The following CFAP47 variants were observed in gnomAD, a reference collection of about 807,000 sequenced individuals.
CFAP47 encodes the protein cilia- and flagella-associated protein 47.
Under a neutral mutation model 148.1 loss-of-function variants are expected in CFAP47, and 29 were observed. The ratio of observed to expected loss-of-function variants is 0.20; its 90% CI spans 0.15 to 0.27. The LOEUF is 0.27. CFAP47 is among the 10% of genes least tolerant of loss of function. The probability of loss-of-function intolerance (pLI) is 1.00; values close to 1 mark genes in which losing one functional copy is unlikely to be tolerated. For synonymous variants in CFAP47, 664 were observed against 577.3 expected (o/e 1.15, Z -2.15); for missense variants, 1,872 against 1,697.5 (o/e 1.10, Z -1.81).
intron 49 of CFAP47, among the ~76,000 whole-genome samples, chrX:36,277,882 G>C (rs1184151111): frequency 8.9e-6 from 1 of 112,205 alleles, no homozygotes; most frequent in Non-Finnish European, 1.9e-5. Context: ...CTGTTTGCCT[G>C]AGTATCACCA....
intron 27 of CFAP47, among the ~76,000 whole-genome samples, chrX:36,067,960 A>G (rs148310904): frequency 0.031 from 3,465 of 111,813 alleles, 128 homozygotes; most frequent in African/African-American, 0.11. Flanking sequence ...CGCCACGGTG[A>G]TATTTACAGA....
chrX:36,112,337 T>A lies in CFAP47; in HGVS notation c.5320+7646T>A, dbSNP rs138502811. ...CATTAGTTTCAAAGGACTTCTTGAT[T>A]TCTGCCTTAATTTCATTATTCACCC... is the stretch of plus-strand genomic sequence containing the variant. On this transcript the variant is annotated intron_variant, in intron 33 of 63. Coordinates refer to ENST00000378653, the MANE Select transcript of CFAP47 (RefSeq NM_001304548.2). Among the ~76,000 whole-genome samples, 425 of 112,018 alleles carry A rather than the reference T, an allele frequency of 3.8e-3. 2 individuals carry two copies. Among genetic ancestry groups the A allele is most frequent in the African/African-American group, 0.013 (394 of 30,904 alleles).
At chrX:36,319,029 A>G (rs1556011563) in intron 56 of CFAP47, among the ~76,000 whole-genome samples, 180 bp from the exon 57 acceptor site, 1 of 111,850 alleles carries the variant, frequency 8.9e-6, no homozygotes, top group East Asian at 2.8e-4. Context: ...AAAACCATTT[A>G]TATTATTAAA....
intron 39 of CFAP47, 81 bp downstream of exon 39, chrX:36,160,850 CT>C (rs147566241): frequency 0.18 from 26,758 of 147,296 alleles, 856 homozygotes; most frequent in African/African-American, 0.27. Context: ...TTCTTTCTTT[CT>C]TTTTTTTTTT....
intron 49 of CFAP47, among the ~76,000 whole-genome samples, chrX:36,275,674 C>G (rs1941008688): frequency 9.0e-6 from 1 of 110,510 alleles, no homozygotes; most frequent in African/African-American, 3.3e-5. Flanking sequence ...GTGTCTTTGT[C>G]TGGTTTGGTA....
chrX:36,306,510 C>A (rs1556008861), intron 54 of CFAP47, among the ~76,000 whole-genome samples: 1 of 110,622 alleles, frequency 9.0e-6, no homozygotes. Context: ...AAAAATTAAC[C>A]CTGACTTCCT....
intron 51 of CFAP47, among the ~76,000 whole-genome samples, chrX:36,289,836 C>A (rs1227828933): frequency 3.6e-5 from 4 of 111,989 alleles, no homozygotes; most frequent in African/African-American, 1.3e-4. Context: ...ACTTTCACTT[C>A]AACCGAGAGT....
intron 45 of CFAP47, among the ~76,000 whole-genome samples, chrX:36,226,774 AAAAAG>A (rs1236904083): frequency 9.0e-6 from 1 of 111,025 alleles, no homozygotes; most frequent in Non-Finnish European, 1.9e-5. Flanking sequence ...TTTTTTTTGG[AAAAAG>A]AAATGTATAA....
At position 35,951,935 on chromosome X, in the gene CFAP47, A is replaced by T; in HGVS notation, c.1018A>T (p.Thr340Ser). The T allele has an allele frequency of 3.4e-6, 4 of 1,169,180 alleles. No homozygotes were observed. Among genetic ancestry groups the T allele is most frequent in the Non-Finnish European group, 4.5e-6 (4 of 882,777 alleles). ...AGGGACTTTACAACCTTATCAAAAG[A>T]CTGTAATTACATTTTGTTTCACCCC... ...NEGTLQPYQKTVITFCFTPKL... is the reference protein window; with the variant it reads ...NEGTLQPYQKSVITFCFTPKL... Residue 340 changes from threonine to serine, a missense_variant, in exon 6 of 64, where the codon ACT becomes TCT. Physicochemically the swap from Thr to Ser is moderately conservative, Grantham distance 58. Coordinates refer to ENST00000378653, the MANE Select transcript of CFAP47 (RefSeq NM_001304548.2).
chrX:36,171,610 A>G (rs1704847390), intron 39 of CFAP47, among the ~76,000 whole-genome samples: 1 of 110,542 alleles, frequency 9.0e-6, no homozygotes, highest in African/African-American at 3.3e-5. Context: ...ATAGCTGTAG[A>G]TATGTGGCGT....
At chrX:36,287,154 G>A (rs1941142375) in intron 51 of CFAP47, among the ~76,000 whole-genome samples, 1 of 111,751 alleles carries the variant, frequency 8.9e-6, no homozygotes. Flanking sequence ...CTCTTTGAAT[G>A]AGAAATTTCA....
chrX:36,104,811 T>A (rs1938439309), intron 33 of CFAP47, 120 bp downstream of exon 33: 1 of 315,367 alleles, frequency 3.2e-6, no homozygotes, highest in Non-Finnish European at 5.7e-6. Context: ...CTCCAACATT[T>A]ACTTTCTGTT....
In CFAP47 at chrX:36,231,362, C is replaced by G. The variant is rs1211808335; in HGVS notation, c.7014+2538C>G. On this transcript the variant is annotated intron_variant, in intron 46 of 63. Transcript: ENST00000378653. ...AAGTTGGATTCCTAGGTATTTTATTCTCTTTGAAGCAATTGTGAATGGGAG... is the reference window on the plus strand; with the variant it reads ...AAGTTGGATTCCTAGGTATTTTATTGTCTTTGAAGCAATTGTGAATGGGAG... Among the ~76,000 whole-genome samples the G allele has an allele frequency of 1.3e-3, 133 of 105,858 alleles. 1 individual carries two copies. The highest frequency in any genetic ancestry group is 4.3e-3 in the African/African-American group (122 of 28,689). 91.9% of individuals were successfully genotyped at this position (105,858 alleles called of 115,157 possible). A position where few individuals can be genotyped will look rare whatever the true frequency, so the allele number is the denominator to read the frequency against.
chrX:36,008,777 T>A (rs5973561), intron 21 of CFAP47, among the ~76,000 whole-genome samples: 27,646 of 108,892 alleles, frequency 0.25, 4,862 homozygotes, highest in African/African-American at 0.61. Flanking sequence ...CTCAAAAGAA[T>A]AAATAAATAA....
intron 50 of CFAP47, among the ~76,000 whole-genome samples, chrX:36,281,925 T>A (rs1489217042): frequency 1.8e-5 from 2 of 111,187 alleles, no homozygotes; most frequent in Admixed American, 9.6e-5. Context: ...TCACTAAAGA[T>A]GAGAAATATT....
At chrX:36,022,099 A>C (rs947520699) in intron 22 of CFAP47, 1 of 111,188 alleles carries the variant, frequency 9.0e-6, no homozygotes, top group Non-Finnish European at 1.9e-5. Context: ...ATGACTTCTT[A>C]CTGCCAATTA....
At chrX:36,202,435 C>G (rs782332055) in intron 44 of CFAP47, among the ~76,000 whole-genome samples, 1 of 111,420 alleles carries the variant, frequency 9.0e-6, no homozygotes. Flanking sequence ...CTACTGGAGT[C>G]CATTCTCTAA....
At chrX:36,223,892 G>A (rs1940240740) in intron 45 of CFAP47, among the ~76,000 whole-genome samples, 1 of 111,373 alleles carries the variant, frequency 9.0e-6, no homozygotes, top group Admixed American at 9.6e-5. Context: ...GAAGTTTGGA[G>A]GGACGTGTGG....
At chrX:36,300,266 G>C (rs1941285040) in intron 52 of CFAP47, among the ~76,000 whole-genome samples, 1 of 107,964 alleles carries the variant, frequency 9.3e-6, no homozygotes, top group Admixed American at 1.0e-4. Flanking sequence ...AAAGATGACA[G>C]AGCTGAGATA....
Sources: allele counts gnomAD v4.1 joint callset (sites outside exome capture counted in the v4.1 genomes callset), GRCh38; gene constraint gnomAD v4.1.1; transcripts MANE v1.5; gene names NCBI Gene and HGNC (gene_info 2026-07-23, HGNC 2026-07-21).